The following SCIN variants were observed in gnomAD, a reference collection of about 807,000 sequenced individuals.
The protein encoded by SCIN is scinderin.
A neutral mutation model predicts 91.8 loss-of-function variants in SCIN; 91 were observed. The observed-to-expected ratio is 0.99, with a 90% CI of 0.84 to 1.18. SCIN has a LOEUF of 1.18. Among genes scored for constraint, SCIN ranks in the 50% most tolerant of loss-of-function variants. The pLI, the probability that SCIN is intolerant of heterozygous loss-of-function variation, is 0.00. For missense variants in SCIN, 1,087 were observed against 863.9 expected, an observed-to-expected ratio of 1.26 and a Z score of -3.24; for synonymous variants, 367 against 312.6, an observed-to-expected ratio of 1.17 and a Z score of -1.84.
intron 2 of SCIN, 114 bp downstream of exon 2, chr7:12,578,332 T>A (rs1782417800): frequency 1.0e-6 from 1 of 972,878 alleles, no homozygotes. Flanking sequence ...TTTTATTTGC[T>A]TTTGTTTTAA....
intron 5 of SCIN, among the ~76,000 whole-genome samples, chr7:12,624,131 C>T (rs2115272333): frequency 6.6e-6 from 1 of 152,232 alleles, no homozygotes; most frequent in Admixed American, 6.5e-5. Context: ...TATAAAGTTC[C>T]TTTGAAAATA....
At chr7:12,580,192 A>G (rs1782458988) in intron 2 of SCIN, among the ~76,000 whole-genome samples, 1 of 152,238 alleles carries the variant, frequency 6.6e-6, no homozygotes. Context: ...TCTTTGATCT[A>G]TCAGTGACAG....
Position 12,581,291 on chromosome 7 carries a change from T to A in SCIN, c.516+70T>A. On this transcript the variant is annotated intron_variant, in intron 3 of 15. Coordinates refer to ENST00000297029, the MANE Select transcript of SCIN (RefSeq NM_001112706.3). ...GCTTTCGGATCAAATCATATGTACATGTCATTGAAAAGAATCACTTTTTCT... is the reference window on the plus strand; with the variant it reads ...GCTTTCGGATCAAATCATATGTACAAGTCATTGAAAAGAATCACTTTTTCT... 4.2e-6 allele frequency: 6 copies of A among 1,436,486 alleles called. No homozygotes were observed. In the South Asian group the frequency reaches 7.9e-5, roughly 19 times the overall value. The allele number at this position is 1,436,486 out of a possible 1,614,324, so 89.0% of individuals were successfully genotyped here. A position where few individuals can be genotyped will look rare whatever the true frequency, so the allele number is the denominator to read the frequency against.
chr7:12,631,683 C>A (rs1443478074), intron 9 of SCIN, among the ~76,000 whole-genome samples: 1 of 152,140 alleles, frequency 6.6e-6, no homozygotes, highest in Non-Finnish European at 1.5e-5. Context: ...AGCAAGAAAA[C>A]CCTCACCAGA....
chr7:12,602,532 C>T (rs1226997224), intron 3 of SCIN, among the ~76,000 whole-genome samples: 4 of 152,116 alleles, frequency 2.6e-5, no homozygotes, highest in Admixed American at 6.5e-5. Context: ...GGGCATATTT[C>T]AGTCCTTATT....
intron 3 of SCIN, among the ~76,000 whole-genome samples, chr7:12,581,967 C>G (rs565333990): frequency 6.6e-6 from 1 of 152,178 alleles, no homozygotes; most frequent in African/African-American, 2.4e-5. Flanking sequence ...GCAATGAAAG[C>G]AAGAAAGCAC....
chr7:12,595,065 C>T (rs377436960), intron 3 of SCIN, among the ~76,000 whole-genome samples: 23 of 152,072 alleles, frequency 1.5e-4, no homozygotes, highest in East Asian at 1.4e-3. Flanking sequence ...CCTCTAAGGA[C>T]GCCCAGCCAG....
chr7:12,601,310 TG>T (rs947779366), intron 3 of SCIN, among the ~76,000 whole-genome samples: 3 of 152,214 alleles, frequency 2.0e-5, no homozygotes, highest in African/African-American at 7.2e-5. Flanking sequence ...AACCATTTTT[TG>T]AGTGAAGAAA....
intron 3 of SCIN, among the ~76,000 whole-genome samples, chr7:12,589,250 T>C (rs1475594013): frequency 6.8e-6 from 1 of 146,628 alleles, no homozygotes; most frequent in Non-Finnish European, 1.5e-5. Flanking sequence ...GGAGTCTTGC[T>C]CTGTCGCCCA....
At chr7:12,634,084 G>T (rs542897717) in intron 9 of SCIN, among the ~76,000 whole-genome samples, 10 of 152,002 alleles carry the variant, frequency 6.6e-5, no homozygotes, top group Non-Finnish European at 1.2e-4. Context: ...TTGGGCGGAG[G>T]GGGGTGGGTA....
At chr7:12,573,552 G>A (rs909088220) in intron 1 of SCIN, among the ~76,000 whole-genome samples, 1 of 152,102 alleles carries the variant, frequency 6.6e-6, no homozygotes, top group African/African-American at 2.4e-5. Context: ...TGTAATGAAA[G>A]TAAAAATTTA....
chr7:12,585,619 A>T (rs1439155034), intron 3 of SCIN, among the ~76,000 whole-genome samples: 1 of 152,174 alleles, frequency 6.6e-6, no homozygotes, highest in African/African-American at 2.4e-5. Flanking sequence ...TATCTTATTA[A>T]TGGAGCCACC....
intron 4 of SCIN, among the ~76,000 whole-genome samples, chr7:12,607,701 T>G (rs941605557): frequency 2.6e-5 from 4 of 152,216 alleles, no homozygotes; most frequent in African/African-American, 9.6e-5. Flanking sequence ...TGAGATGAAT[T>G]TTCAGTGAAA....
intron 3 of SCIN, among the ~76,000 whole-genome samples, chr7:12,597,136 A>G (rs1450624009): frequency 6.6e-6 from 1 of 152,254 alleles, no homozygotes; most frequent in East Asian, 1.9e-4. Flanking sequence ...CAAAATAGAT[A>G]TAAAGAAACA....
chr7:12,623,534 T>C (rs1211347234), intron 5 of SCIN, among the ~76,000 whole-genome samples: 1 of 152,162 alleles, frequency 6.6e-6, no homozygotes. Flanking sequence ...TCTTTGTTTG[T>C]TTGTTTTTTC....
At chr7:12,582,988 C>T (rs1782519344) in intron 3 of SCIN, among the ~76,000 whole-genome samples, 1 of 152,004 alleles carries the variant, frequency 6.6e-6, no homozygotes. Flanking sequence ...AGTTGCTGTA[C>T]TCTGAGGTTC....
Position 12,613,106 on chromosome 7 carries a change from A to G in SCIN, c.666+8443A>G, listed in dbSNP as rs558224271. On this transcript the variant is annotated intron_variant, in intron 4 of 15. Transcript: ENST00000297029. ...GATGGATCTTTGCCCCACAAGACGT[A>G]TATCTGAACTGATAAGCTAATATAA... Among the ~76,000 whole-genome samples, 12 of 152,308 alleles carry G rather than the reference A, an allele frequency of 7.9e-5. No individual in the cohort carries two copies. The South Asian group carries it at 2.5e-3, about 32-fold the overall frequency.
chr7:12,571,076 G>C, intron 1 of SCIN, 91 bp downstream of exon 1: 1 of 1,359,848 alleles, frequency 7.4e-7, no homozygotes, highest in South Asian at 1.5e-5. Context: ...GGGAGTAAAG[G>C]GGACCGCAAA....
Position 12,604,573 on chromosome 7 carries a change from G to A in SCIN, c.576G>A (p.Gln192=). ...CNKYERLKAN[Q]VATGIRYNER... ...AATATGAACGTCTGAAGGCAAACCAGGTAGCTACTGGCATTCGGTACAATG... is the reference window on the plus strand; with the variant it reads ...AATATGAACGTCTGAAGGCAAACCAAGTAGCTACTGGCATTCGGTACAATG... The change falls in exon 4 of 16, where the codon CAG becomes CAA. Residue 192 remains glutamine (Q), a synonymous_variant. Coordinates refer to ENST00000297029, the MANE Select transcript of SCIN (RefSeq NM_001112706.3). The A allele has an allele frequency of 6.4e-7, 1 of 1,551,928 alleles. No homozygotes were observed. Among genetic ancestry groups the A allele is most frequent in the Non-Finnish European group, 8.7e-7 (1 of 1,147,016 alleles).
Sources: allele counts gnomAD v4.1 joint callset (sites outside exome capture counted in the v4.1 genomes callset), GRCh38; gene constraint gnomAD v4.1.1; transcripts MANE v1.5; gene names NCBI Gene and HGNC (gene_info 2026-07-23, HGNC 2026-07-21).